TRANK1: variants seen among roughly 807,000 people sequenced by gnomAD.
TRANK1 encodes tetratricopeptide repeat and ankyrin repeat containing 1.
A neutral mutation model predicts 266.0 loss-of-function variants in TRANK1; 198 were observed. The ratio of observed to expected loss-of-function variants is 0.74; its 90% CI spans 0.66 to 0.84. TRANK1 has a LOEUF of 0.84. Ranked by LOEUF, TRANK1 falls within the 40% of genes least tolerant of loss-of-function variation. The pLI is 0.00. For missense variants in TRANK1, 3,326 were observed against 3,634.6 expected, an observed-to-expected ratio of 0.92 and a Z score of 2.18; for synonymous variants, 1,396 against 1,384.1, an observed-to-expected ratio of 1.01 and a Z score of -0.19.
intron 8 of TRANK1, among the ~76,000 whole-genome samples, chr3:36,882,176 T>C (rs887018484): frequency 6.6e-6 from 1 of 152,270 alleles, no homozygotes; most frequent in Non-Finnish European, 1.5e-5. Context: ...CCAAAGCAGA[T>C]GCACCATTTT....
chr3:36,944,740 GC>G, intron 1 of TRANK1, 46 bp downstream of exon 1: 1 of 1,499,396 alleles, frequency 6.7e-7, no homozygotes, highest in South Asian at 1.2e-5. Context: ...AGGGTGGCGG[GC>G]CCGGAAGGCC....
At chr3:36,930,171 G>C (rs112038454) in intron 1 of TRANK1, among the ~76,000 whole-genome samples, 2 of 152,290 alleles carry the variant, frequency 1.3e-5, no homozygotes, top group African/African-American at 4.8e-5. Flanking sequence ...ACTTTGCCCA[G>C]CTGAGATGCA....
At position 36,828,374 on chromosome 3, in the gene TRANK1, A is replaced by AC; in HGVS notation, c.8810dup (p.Ile2938TyrfsTer6). 6.5e-7 allele frequency: 1 copy of AC among 1,550,048 alleles called. No individual in the cohort carries two copies. Among genetic ancestry groups the AC allele is most frequent in the South Asian group, 1.1e-5 (1 of 88,378 alleles). ...TTTCATAATCATCTTCCTGAACAAT[A>AC]CCTGAAGAAAGAAAGAAGGAAGGAA... On this transcript the variant is annotated frameshift_variant and splice_region_variant, in exon 24 of 24. Coordinates refer to ENST00000645898, the MANE Select transcript of TRANK1 (RefSeq NM_001329998.2). LOFTEE classifies it high-confidence loss of function.
intron 8 of TRANK1, among the ~76,000 whole-genome samples, chr3:36,886,780 C>A (rs1437439477): frequency 1.3e-5 from 2 of 152,046 alleles, no homozygotes; most frequent in Non-Finnish European, 2.9e-5. Flanking sequence ...GGCATAGTAG[C>A]ACGCATCTGT....
At chr3:36,881,729 T>A (rs912282402) in intron 8 of TRANK1, among the ~76,000 whole-genome samples, 1 of 152,154 alleles carries the variant, frequency 6.6e-6, no homozygotes, top group African/African-American at 2.4e-5. Flanking sequence ...CTAAAATAAA[T>A]CTCATACACA....
chr3:36,838,548 C>T (rs1231464817), intron 19 of TRANK1, 44 bp from the exon 20 acceptor site: 25 of 1,613,952 alleles, frequency 1.5e-5, no homozygotes, highest in Non-Finnish European at 1.9e-5. Flanking sequence ...GAACATTGAC[C>T]CTACACCAAT....
chr3:36,832,446 CCTG>C lies in TRANK1; in HGVS notation c.7134_7136del (p.Ser2378del), dbSNP rs1228953804. On this transcript the variant is annotated inframe_deletion, in exon 22 of 24. Transcript: ENST00000645898. The stretch of plus-strand genomic sequence containing the variant: ...CAAATTTCCCTTCTATTCCTTTTAT[CCTG>C]CTGCCTCTCCCCCTGCCCCTTTCAT... 2.0e-5 allele frequency: 33 copies of C among 1,613,952 alleles called. No individual in the cohort carries two copies. The highest frequency in any genetic ancestry group is 2.7e-5 in the Non-Finnish European group (32 of 1,179,888).
chr3:36,865,139 T>C (rs969686988), intron 9 of TRANK1, among the ~76,000 whole-genome samples: 12 of 147,180 alleles, frequency 8.2e-5, no homozygotes, highest in African/African-American at 2.5e-4. Context: ...GCAATTCTCC[T>C]GCCTCTGCCT....
chr3:36,906,014 T>C (rs891984486), intron 2 of TRANK1, among the ~76,000 whole-genome samples: 2 of 152,182 alleles, frequency 1.3e-5, no homozygotes, highest in African/African-American at 2.4e-5. Context: ...CAGTAAGTGG[T>C]GGAGCTGAGC....
chr3:36,898,995 A>G (rs2079835644), intron 4 of TRANK1, 114 bp downstream of exon 4: 2 of 1,175,176 alleles, frequency 1.7e-6, no homozygotes, highest in South Asian at 1.6e-5. Context: ...TAAACTGCAT[A>G]AATCAGCCAC....
At chr3:36,893,864 T>C (rs951557501) in intron 5 of TRANK1, among the ~76,000 whole-genome samples, 4 of 151,698 alleles carry the variant, frequency 2.6e-5, no homozygotes, top group African/African-American at 9.7e-5. Context: ...TCACTTCTAG[T>C]TTCTTTCAGA....
intron 1 of TRANK1, among the ~76,000 whole-genome samples, chr3:36,932,022 A>G (rs1244070887): frequency 6.6e-6 from 1 of 152,226 alleles, no homozygotes; most frequent in African/African-American, 2.4e-5. Context: ...ACCTTTTTAT[A>G]TATTGTTAGA....
chr3:36,935,601 T>G (rs1414303625), intron 1 of TRANK1, among the ~76,000 whole-genome samples: 1 of 151,986 alleles, frequency 6.6e-6, no homozygotes, highest in African/African-American at 2.4e-5. Flanking sequence ...CAGGCACATG[T>G]CACCACACTC....
chr3:36,922,019 C>G (rs528079001), intron 1 of TRANK1, among the ~76,000 whole-genome samples: 3 of 152,264 alleles, frequency 2.0e-5, no homozygotes, highest in African/African-American at 7.2e-5. Context: ...TGGTGGCATG[C>G]ACCTGTAGTT....
At chr3:36,945,441 C>T (rs2276809), upstream of TRANK1, among the ~76,000 whole-genome samples, 19,082 of 152,114 alleles carry the variant, frequency 0.13, 1,470 homozygotes, top group East Asian at 0.35. Context: ...GCTCAGGAGT[C>T]GGGCGAATAT....
At position 36,858,046 on chromosome 3, in the gene TRANK1, T is replaced by A. The variant is rs2079084162; in HGVS notation, c.1676A>T (p.Asp559Val). 3 of 1,543,040 alleles carry A rather than the reference T, an allele frequency of 1.9e-6. No individual in the cohort carries two copies. Residue 559 changes from aspartate to valine, a missense_variant, in exon 13 of 24, where the codon GAC becomes GTC. Asp to Val is a radical substitution (Grantham distance 152). Transcript: ENST00000645898. ...ALHIFLEIKA[D>V]IGFSFLSHLL... The stretch of plus-strand genomic sequence containing the variant: ...ATGGCTGAGGAAGCTAAAACCAATG[T>A]CAGCTGAAAGACACAAACAAAACCC...
At chr3:36,854,096 C>A (rs1255390211) in intron 13 of TRANK1, among the ~76,000 whole-genome samples, 1 of 152,232 alleles carries the variant, frequency 6.6e-6, no homozygotes, top group South Asian at 2.1e-4. Flanking sequence ...CACGAGGGCT[C>A]ACGCCTGTAA....
chr3:36,862,338 A>G (rs978123069), intron 10 of TRANK1, among the ~76,000 whole-genome samples: 2 of 152,096 alleles, frequency 1.3e-5, no homozygotes, highest in Non-Finnish European at 2.9e-5. Flanking sequence ...TCTTTTTCCA[A>G]GTTTTCTTAA....
chr3:36,921,735 T>C (rs1412685544), intron 1 of TRANK1, among the ~76,000 whole-genome samples: 1 of 152,188 alleles, frequency 6.6e-6, no homozygotes, highest in Non-Finnish European at 1.5e-5. Context: ...GGCTCTATAA[T>C]GGTAGGTGGC....
Sources: allele counts gnomAD v4.1 joint callset (sites outside exome capture counted in the v4.1 genomes callset), GRCh38; gene constraint gnomAD v4.1.1; transcripts MANE v1.5; gene names NCBI Gene and HGNC (gene_info 2026-07-23, HGNC 2026-07-21).